Variants in FAM98B observed in about 807,000 individuals in gnomAD.
FAM98B encodes tRNA splicing ligase complex subunit 3B, also known as tRNA-splicing ligase complex subunit FAM98B.
In FAM98B, 32 loss-of-function variants were observed where a neutral mutation model predicts 43.9. The observed-to-expected ratio is 0.73, with a 90% CI of 0.55 to 0.98. The LOEUF is 0.98. FAM98B is among the 50% of genes least tolerant of loss of function. FAM98B has a pLI of 0.00. For missense variants in FAM98B, 514 were observed against 522.9 expected, an observed-to-expected ratio of 0.98 and a Z score of 0.17; for synonymous variants, 190 against 174.0, an observed-to-expected ratio of 1.09 and a Z score of -0.72.
At position 38,473,512 on chromosome 15, in the gene FAM98B, A is replaced by T; in HGVS notation, c.539A>T (p.Asp180Val). The change falls in exon 5 of 8, where the codon GAT becomes GTT. Residue 180 changes from aspartate (D) to valine (V), a missense_variant. Physicochemically the swap from Asp to Val is radical, Grantham distance 152. Transcript: ENST00000397609. ...MLNQVESKVK[D>V]ILSKVQKNHV... Reference sequence around the variant, plus strand: ...TTTTATATTTACTTTTAGGTGAAAGATATTCTCTCAAAGGTCCAGAAAAAT... The same window carrying T: ...TTTTATATTTACTTTTAGGTGAAAGTTATTCTCTCAAAGGTCCAGAAAAAT... 1 of 1,602,400 alleles carries T rather than the reference A, an allele frequency of 6.2e-7. No homozygotes were observed. Among genetic ancestry groups the T allele is most frequent in the East Asian group, 2.2e-5 (1 of 44,620 alleles).
chr15:38,475,270 A>G lies in FAM98B; in HGVS notation c.729+972A>G, dbSNP rs561698092. Among the ~76,000 whole-genome samples the G allele has an allele frequency of 1.1e-4, 17 of 152,230 alleles. No homozygotes were observed. The South Asian group carries it at 3.3e-3, about 30-fold the overall frequency. ...TCAGATCATCAGGCATTAGCTTCTC[A>G]TAAGTGTGGTGCTTCTGTTACCTTC... is the stretch of plus-strand genomic sequence containing the variant. On this transcript the variant is annotated intron_variant, in intron 6 of 7. Transcript: ENST00000397609.
In FAM98B at chr15:38,484,763, T is replaced by C; in HGVS notation, c.*104T>C. 1 of 1,447,050 alleles carries C rather than the reference T, an allele frequency of 6.9e-7. No individual in the cohort carries two copies. Among genetic ancestry groups the C allele is most frequent in the South Asian group, 1.5e-5 (1 of 66,512 alleles). 89.6% of individuals were successfully genotyped at this position (1,447,050 alleles called of 1,614,324 possible). On this transcript the variant is annotated 3_prime_UTR_variant, in exon 8 of 8. Transcript: ENST00000397609. ...ATCATCTTTGAAGTAAACACCATGT[T>C]AGACTCCCTGGTGATACCACTCTTG...
At chr15:38,464,409 TC>T (rs750426675) in intron 2 of FAM98B, among the ~76,000 whole-genome samples, 1 of 152,182 alleles carries the variant, frequency 6.6e-6, no homozygotes, top group African/African-American at 2.4e-5. Flanking sequence ...TTTTTTCTCT[TC>T]CTGACGGCTC....
Position 38,464,079 on chromosome 15 carries a change from A to T in FAM98B, c.119A>T (p.Glu40Val), listed in dbSNP as rs769628372. Reference protein sequence around the residue: ...LEEQALTKAAEGGLSSPEFSE... With the variant: ...LEEQALTKAAVGGLSSPEFSE... The stretch of plus-strand genomic sequence containing the variant: ...GAGCAAGCCCTTACAAAGGCGGCAG[A>T]GGGTGGATTATCTTCACCTGAATTT... The change falls in exon 2 of 8, where the codon GAG becomes GTG. Residue 40 changes from glutamate (E) to valine (V), a missense_variant. By Grantham distance (121) the Glu-to-Val change is moderately radical (BLOSUM62 -2). Around this residue, in one of 2 missense-constraint regions of FAM98B, gnomAD observed 469 missense variants for 451.8 expected, o/e 1.04. Coordinates refer to ENST00000397609, the MANE Select transcript of FAM98B (RefSeq NM_173611.4). 2.5e-6 allele frequency: 4 copies of T among 1,613,532 alleles called. No homozygotes were observed. The South Asian group carries it at 4.4e-5, about 18-fold the overall frequency.
In FAM98B at chr15:38,484,262, T is replaced by C; in HGVS notation, c.905T>C (p.Met302Thr). The C allele has an allele frequency of 2.6e-6, 4 of 1,548,474 alleles. No individual in the cohort carries two copies. The highest frequency in any genetic ancestry group is 3.5e-6 in the Non-Finnish European group (4 of 1,146,214). Residue 302 changes from methionine to threonine, a missense_variant, in exon 8 of 8, where the codon ATG becomes ACG. Around this residue, in one of 2 missense-constraint regions of FAM98B, gnomAD observed 469 missense variants for 451.8 expected, o/e 1.04. Coordinates refer to ENST00000397609, the MANE Select transcript of FAM98B (RefSeq NM_173611.4). ...AAATGTTTCTTCACACAGGTGCTGA[T>C]GGGAAGGGTGCCTGACAGGGGAGGC... ...KTACAINKVL[M>T]GRVPDRGGRP...
At chr15:38,477,765 T>TCTG (rs1391467323) in intron 6 of FAM98B, among the ~76,000 whole-genome samples, 2 of 152,210 alleles carry the variant, frequency 1.3e-5, no homozygotes, top group Non-Finnish European at 2.9e-5. Context: ...CTGATTCACT[T>TCTG]CTGCATGTGT....
At chr15:38,470,509 A>G (rs1366495131) in intron 4 of FAM98B, 104 bp downstream of exon 4, 6 of 1,048,422 alleles carry the variant, frequency 5.7e-6, no homozygotes, top group Admixed American at 3.6e-5. Flanking sequence ...TATACATTTT[A>G]TTTCAAGAGT....
chr15:38,467,738 G>C (rs903306942), intron 3 of FAM98B, among the ~76,000 whole-genome samples: 1 of 152,088 alleles, frequency 6.6e-6, no homozygotes, highest in African/African-American at 2.4e-5. Context: ...GTAATAAAAA[G>C]ACCAGAAACC....
intron 4 of FAM98B, among the ~76,000 whole-genome samples, chr15:38,472,562 A>G (rs749972550): frequency 6.6e-6 from 1 of 151,966 alleles, no homozygotes; most frequent in Non-Finnish European, 1.5e-5. Context: ...TAGTTCAGTG[A>G]ATTTTAGTAT....
chr15:38,454,372 G>T (rs1389598487), intron 1 of FAM98B, 140 bp downstream of exon 1: 1 of 851,692 alleles, frequency 1.2e-6, no homozygotes, highest in Non-Finnish European at 1.9e-6. Context: ...CTCCGGCGCC[G>T]ACGGAGTTAA....
rs760386173 is a variant in FAM98B, at chr15:38,470,389, A to G, written c.515A>G (p.Asn172Ser). 2.7e-5 allele frequency: 43 copies of G among 1,596,068 alleles called. No homozygotes were observed. The South Asian group carries it at 4.7e-4, about 18-fold the overall frequency. Residue 172 changes from asparagine to serine, a missense_variant, in exon 4 of 8, where the codon AAC becomes AGC. Around this residue, in one of 2 missense-constraint regions of FAM98B, gnomAD observed 469 missense variants for 451.8 expected, o/e 1.04. Coordinates refer to ENST00000397609, the MANE Select transcript of FAM98B (RefSeq NM_173611.4). ...ACTTCTGACATTCCGCATATGCTAA[A>G]CCAAGTGGAATCAAAGGTATTATCT... ...STTSDIPHMLNQVESKVKDIL... is the reference protein window; with the variant it reads ...STTSDIPHMLSQVESKVKDIL...
chr15:38,459,305 T>A (rs1889908292), intron 1 of FAM98B: 1 of 498,994 alleles, frequency 2.0e-6, no homozygotes, highest in Non-Finnish European at 4.0e-6. Context: ...CCGATAAAAC[T>A]GGTACTGGAG....
At chr15:38,458,127 G>A (rs892312514) in intron 1 of FAM98B, among the ~76,000 whole-genome samples, 1 of 152,176 alleles carries the variant, frequency 6.6e-6, no homozygotes, top group African/African-American at 2.4e-5. Context: ...CACAGAAAGG[G>A]CCCATGCCAG....
rs1158613171 is a variant in FAM98B, at chr15:38,486,906, AT to A, written c.*2248del. The A allele has an allele frequency of 1.3e-5, 2 of 152,132 alleles. No homozygotes were observed. The highest frequency in any genetic ancestry group is 2.9e-5 in the Non-Finnish European group (2 of 67,972). The allele number at this position is 152,132 out of a possible 1,614,324, so 9.4% of individuals were successfully genotyped here. ...AATTGAGTGCAATACGACATGGAGT[AT>A]GATGAATGGCACTCCACTGCTTCCT... On this transcript the variant is annotated 3_prime_UTR_variant, in exon 8 of 8. Transcript: ENST00000397609.
chr15:38,476,488 T>A lies in FAM98B; in HGVS notation c.729+2190T>A, dbSNP rs78033001. On this transcript the variant is annotated intron_variant, in intron 6 of 7. Transcript: ENST00000397609. ...TGCTTTAGTCAGATATTAAACATTC[T>A]AGATAGACTCGCTTAAGTTGTTTTA... Among the ~76,000 whole-genome samples, 212 of 152,226 alleles carry A rather than the reference T, an allele frequency of 1.4e-3. 1 individual carries two copies. The highest frequency in any genetic ancestry group is 4.9e-3 in the African/African-American group (202 of 41,554).
chr15:38,476,605 G>A (rs936499408), intron 6 of FAM98B, among the ~76,000 whole-genome samples: 3 of 149,148 alleles, frequency 2.0e-5, no homozygotes, highest in Admixed American at 2.0e-4. Flanking sequence ...TTTTGTTTCT[G>A]CAATTATTTT....
chr15:38,465,392 T>C lies in FAM98B; in HGVS notation c.341T>C (p.Leu114Ser). ...KDRLKKKEDC[L>S]KLLLFLSTEL... ...CGTTTAAAAAAGAAGGAGGACTGTT[T>C]GAAACTTCTATGTAAGTTATCTTGA... The change falls in exon 3 of 8, where the codon TTG (leucine) becomes TCG (serine). Residue 114 changes from leucine (L) to serine (S), a missense_variant. Transcript: ENST00000397609. The C allele has an allele frequency of 6.3e-7, 1 of 1,593,048 alleles. No individual in the cohort carries two copies. The highest frequency in any genetic ancestry group is 1.3e-5 in the African/African-American group (1 of 74,246).
chr15:38,484,241 G>A lies in FAM98B; in HGVS notation c.898-14G>A. The A allele has an allele frequency of 1.3e-6, 2 of 1,544,816 alleles. No individual in the cohort carries two copies. The highest frequency in any genetic ancestry group is 1.7e-6 in the Non-Finnish European group (2 of 1,144,766). On this transcript the variant is annotated splice_polypyrimidine_tract_variant and intron_variant, in intron 7 of 7. Coordinates refer to ENST00000397609, the MANE Select transcript of FAM98B (RefSeq NM_173611.4). ...GAAATATTAGGAACTAAAAGAAAAT[G>A]TTTCTTCACACAGGTGCTGATGGGA... is the stretch of plus-strand genomic sequence containing the variant.
chr15:38,468,362 C>CT (rs1890072097), intron 3 of FAM98B, among the ~76,000 whole-genome samples: 1 of 152,014 alleles, frequency 6.6e-6, no homozygotes, highest in Non-Finnish European at 1.5e-5. Flanking sequence ...ATAACTGGGA[C>CT]TACAGGCGTA....
Sources: allele counts gnomAD v4.1 joint callset (sites outside exome capture counted in the v4.1 genomes callset), GRCh38; gene constraint gnomAD v4.1.1; regional missense constraint gnomAD v4.1.1; transcripts MANE v1.5; gene names NCBI Gene and HGNC (gene_info 2026-07-23, HGNC 2026-07-21).